The following C1QTNF9 variants were observed in gnomAD, a reference collection of about 807,000 sequenced individuals.
C1QTNF9 encodes complement C1q and tumor necrosis factor-related protein 9A.
A neutral mutation model predicts 10.1 loss-of-function variants in C1QTNF9; 6 were observed. The observed-to-expected ratio is 0.59, with a 90% confidence interval of 0.32 to 1.17. The LOEUF is 1.17. Among genes scored for constraint, C1QTNF9 ranks in the 50% most tolerant of loss-of-function variants. C1QTNF9 has a pLI of 0.04. For synonymous variants in C1QTNF9, 98 were observed against 163.5 expected, an observed-to-expected ratio of 0.60 and a Z score of 3.06; for missense variants, 201 against 418.8, an observed-to-expected ratio of 0.48 and a Z score of 4.54.
At chr13:24,319,540 C>T in intron 3 of C1QTNF9, among the ~76,000 whole-genome samples, 1 of 151,740 alleles carries the variant, frequency 6.6e-6, no homozygotes, top group East Asian at 1.9e-4. Flanking sequence ...GACCCTGTCT[C>T]AAAGCAACAA....
exon 2 of C1QTNF9, chr13:24,316,105 C>T (rs1332039111): frequency 3.2e-5 from 51 of 1,612,962 alleles, no homozygotes; most frequent in East Asian, 1.1e-4. Context: ...CTGGGAACCC[C>T]GGTCACAATG....
chr13:24,310,779 G>A (rs944990703), intron 1 of C1QTNF9, among the ~76,000 whole-genome samples: 8 of 151,860 alleles, frequency 5.3e-5, no homozygotes, highest in South Asian at 2.1e-4. Context: ...AGGCGTGGTG[G>A]TGGGCGCCTG....
intron 1 of C1QTNF9, among the ~76,000 whole-genome samples, chr13:24,314,805 T>A (rs1877966474): frequency 6.6e-6 from 1 of 151,946 alleles, no homozygotes; most frequent in Non-Finnish European, 1.5e-5. Context: ...ATTGCATGAC[T>A]GTACTTCAGC....
intron 3 of C1QTNF9, 34 bp downstream of exon 3, chr13:24,318,914 G>T (rs1245403467): frequency 6.8e-6 from 11 of 1,611,400 alleles, no homozygotes; most frequent in Non-Finnish European, 9.3e-6. Flanking sequence ...CTCTAATTCT[G>T]AGCTGTCGAC....
At chr13:24,320,277 T>A (rs1593536908) in intron 3 of C1QTNF9, among the ~76,000 whole-genome samples, 1 of 152,318 alleles carries the variant, frequency 6.6e-6, no homozygotes, top group South Asian at 2.1e-4. Flanking sequence ...GGTTGTAATT[T>A]CTAACGTGAG....
intron 3 of C1QTNF9, among the ~76,000 whole-genome samples, chr13:24,320,215 C>CT (rs1329667054): frequency 6.6e-6 from 1 of 151,998 alleles, no homozygotes; most frequent in Non-Finnish European, 1.5e-5. Context: ...AGAGTGCTTT[C>CT]TGTCATGGAT....
intron 2 of C1QTNF9, among the ~76,000 whole-genome samples, chr13:24,318,225 G>C (rs1878115539): frequency 6.6e-6 from 1 of 152,192 alleles, no homozygotes; most frequent in East Asian, 1.9e-4. Context: ...ACAAGGACTT[G>C]AGTGTAGTCA....
exon 4 of C1QTNF9, chr13:24,321,501 T>A (rs767924908): frequency 1.2e-6 from 2 of 1,613,756 alleles, no homozygotes; most frequent in Non-Finnish European, 1.7e-6. Flanking sequence ...CGTGCCACAT[T>A]GCTGGGGTCT....
chr13:24,318,089 T>C (rs1479664233), intron 2 of C1QTNF9, among the ~76,000 whole-genome samples: 1 of 152,124 alleles, frequency 6.6e-6, no homozygotes, highest in Non-Finnish European at 1.5e-5. Flanking sequence ...CTCTGCTGCT[T>C]TGTGAGAAGC....
chr13:24,319,463 T>A (rs1374269177), intron 3 of C1QTNF9, among the ~76,000 whole-genome samples: 1 of 152,008 alleles, frequency 6.6e-6, no homozygotes. Context: ...CGCTTGAGCC[T>A]GGGAGGTTGG....
intron 1 of C1QTNF9, among the ~76,000 whole-genome samples, chr13:24,310,139 G>GCTT (rs1286820914): frequency 6.6e-6 from 1 of 151,774 alleles, no homozygotes; most frequent in Non-Finnish European, 1.5e-5. Context: ...TGATCCAACC[G>GCTT]CTTTGGCCTC....
At chr13:24,314,952 T>G (rs1877972185) in intron 1 of C1QTNF9, among the ~76,000 whole-genome samples, 1 of 151,548 alleles carries the variant, frequency 6.6e-6, no homozygotes, top group Non-Finnish European at 1.5e-5. Flanking sequence ...AACAAGACCC[T>G]GACTCAAAGA....
chr13:24,313,177 C>T (rs1346012128), intron 1 of C1QTNF9, among the ~76,000 whole-genome samples: 2 of 152,114 alleles, frequency 1.3e-5, no homozygotes, highest in African/African-American at 2.4e-5. Context: ...TTTGGGAGAA[C>T]GCATATTAGT....
intron 2 of C1QTNF9, among the ~76,000 whole-genome samples, chr13:24,318,183 C>T (rs541366098): frequency 1.3e-4 from 20 of 152,236 alleles, no homozygotes; most frequent in African/African-American, 4.3e-4. Flanking sequence ...GATAGCACGC[C>T]GACCTGGAGC....
intron 1 of C1QTNF9, among the ~76,000 whole-genome samples, chr13:24,314,329 G>A (rs1282098104): frequency 6.6e-6 from 1 of 151,244 alleles, no homozygotes; most frequent in Non-Finnish European, 1.5e-5. Context: ...CTTGAGCTCA[G>A]GATTTCAAGA....
intron 1 of C1QTNF9, among the ~76,000 whole-genome samples, chr13:24,314,758 C>T (rs151175849): frequency 2.6e-5 from 4 of 152,192 alleles, no homozygotes; most frequent in African/African-American, 9.6e-5. Context: ...GCAAGAGAAT[C>T]GCTTGAGCTG....
At chr13:24,308,027 G>A (rs907097962), upstream of C1QTNF9, among the ~76,000 whole-genome samples, 2 of 152,210 alleles carry the variant, frequency 1.3e-5, no homozygotes, top group Non-Finnish European at 2.9e-5. Context: ...GAGTGAGTGG[G>A]GTGTCAGCAA....
chr13:24,309,621 G>C lies in C1QTNF9; in HGVS notation c.-23+5G>C, dbSNP rs1264321873. The C allele has an allele frequency of 6.6e-6, 1 of 152,112 alleles. No homozygotes were observed. The highest frequency in any genetic ancestry group is 2.4e-5 in the African/African-American group (1 of 41,404). The allele number at this position is 152,112 out of a possible 1,614,324, so 9.4% of individuals were successfully genotyped here. A position where few individuals can be genotyped will look rare whatever the true frequency, so the allele number is the denominator to read the frequency against. On this transcript the variant is annotated splice_donor_5th_base_variant and intron_variant, in intron 1 of 3. Transcript: ENST00000332018. ...GCCTGCAGCCCTAGGGTCCAGGTAA[G>C]TTCATCAGGAAAGGATTTCTTTACA...
chr13:24,315,948 A>T, intron 1 of C1QTNF9, 34 bp from the exon 2 acceptor site: 3 of 1,609,172 alleles, frequency 1.9e-6, no homozygotes, highest in Non-Finnish European at 2.5e-6. Context: ...AGCAACAAAG[A>T]TTTCTCCTTT....
Sources: gnomAD v4.1 joint callset for allele counts (sites outside exome capture counted in the v4.1 genomes callset) on GRCh38, gnomAD v4.1.1 for gene constraint, MANE v1.5 for transcripts, NCBI Gene and HGNC (gene_info 2026-07-23, HGNC 2026-07-21) for gene names.